The following SYN2 variants were observed in gnomAD, a reference collection of about 807,000 sequenced individuals.
The protein encoded by SYN2 is synapsin II.
A neutral mutation model predicts 50.9 loss-of-function variants in SYN2; 19 were observed. That is an observed-to-expected ratio of 0.37 (90% CI 0.26 to 0.55). SYN2 has a LOEUF of 0.55. Ranked by LOEUF, SYN2 falls within the 20% of genes least tolerant of loss-of-function variation. The probability of loss-of-function intolerance (pLI) is 0.81; values close to 1 mark genes in which losing one functional copy is unlikely to be tolerated. For missense variants in SYN2, 587 were observed against 576.4 expected (o/e 1.02, Z -0.19); for synonymous variants, 255 against 224.9 (o/e 1.13, Z -1.20).
intron 1 of SYN2, among the ~76,000 whole-genome samples, chr3:12,138,510 C>T (rs1696947724): frequency 6.6e-6 from 1 of 152,164 alleles, no homozygotes; most frequent in African/African-American, 2.4e-5. Flanking sequence ...CATGTAAGCA[C>T]CTAGATGTAA....
chr3:12,087,973 C>G (rs1276551473), intron 1 of SYN2, among the ~76,000 whole-genome samples: 2 of 150,316 alleles, frequency 1.3e-5, no homozygotes, highest in Non-Finnish European at 2.9e-5. Flanking sequence ...GGTAAAACTC[C>G]TAAAAGAAAG....
chr3:12,064,801 GA>G (rs1695176710), intron 1 of SYN2, among the ~76,000 whole-genome samples: 1 of 151,980 alleles, frequency 6.6e-6, no homozygotes, highest in Non-Finnish European at 1.5e-5. Flanking sequence ...GGTGCACTTG[GA>G]AAAACAGTTT....
At chr3:12,009,961 G>C (rs575313193) in intron 1 of SYN2, among the ~76,000 whole-genome samples, 1 of 152,114 alleles carries the variant, frequency 6.6e-6, no homozygotes, top group East Asian at 1.9e-4. Flanking sequence ...TGGTTGTTGC[G>C]GTGTGTGCCT....
intron 4 of SYN2, among the ~76,000 whole-genome samples, chr3:12,149,684 T>A (rs1022585600): frequency 6.6e-6 from 1 of 152,138 alleles, no homozygotes; most frequent in African/African-American, 2.4e-5. Context: ...GGTCCATGAA[T>A]CATCCTTTCA....
At chr3:12,061,420 C>G (rs982862460) in intron 1 of SYN2, among the ~76,000 whole-genome samples, 3 of 152,040 alleles carry the variant, frequency 2.0e-5, no homozygotes, top group South Asian at 2.1e-4. Context: ...TATTAAAGAA[C>G]ATCTTACAAA....
chr3:12,148,846 A>G (rs1158840721), intron 4 of SYN2, among the ~76,000 whole-genome samples: 1 of 152,204 alleles, frequency 6.6e-6, no homozygotes, highest in Non-Finnish European at 1.5e-5. Flanking sequence ...ATGAGTGGCT[A>G]TAATGGACAT....
intron 7 of SYN2, among the ~76,000 whole-genome samples, chr3:12,163,056 T>C (rs555994128): frequency 3.8e-4 from 57 of 151,940 alleles, no homozygotes; most frequent in Non-Finnish European, 4.7e-4. Flanking sequence ...CTGGCTAACA[T>C]GGTGAAACCC....
At chr3:12,069,288 AC>A (rs1695287720) in intron 1 of SYN2, among the ~76,000 whole-genome samples, 1 of 148,318 alleles carries the variant, frequency 6.7e-6, no homozygotes, top group Non-Finnish European at 1.5e-5. Flanking sequence ...TTGCCCTGTC[AC>A]CCAGGCTGGA....
intron 1 of SYN2, among the ~76,000 whole-genome samples, chr3:12,109,635 A>G (rs1013049393): frequency 6.6e-6 from 1 of 151,994 alleles, no homozygotes; most frequent in Non-Finnish European, 1.5e-5. Context: ...TCCACCTCCA[A>G]ATTTCCTTGA....
At chr3:12,115,771 T>G (rs1273555713) in intron 1 of SYN2, among the ~76,000 whole-genome samples, 2 of 152,116 alleles carry the variant, frequency 1.3e-5, no homozygotes. Flanking sequence ...AGAATATAAC[T>G]ATATTTTCCC....
intron 1 of SYN2, among the ~76,000 whole-genome samples, chr3:12,118,435 G>A (rs751767434): frequency 1.3e-5 from 2 of 152,168 alleles, no homozygotes; most frequent in East Asian, 1.9e-4. Flanking sequence ...ACAAACACAT[G>A]TGGAAAGAAG....
At chr3:12,184,152 G>C in intron 11 of SYN2, 1 of 985,850 alleles carries the variant, frequency 1.0e-6, no homozygotes, top group African/African-American at 1.7e-5. Context: ...TTCCAGGAAT[G>C]TGTTCTGTAT....
At chr3:12,027,174 C>T (rs937173258) in intron 1 of SYN2, among the ~76,000 whole-genome samples, 1 of 152,150 alleles carries the variant, frequency 6.6e-6, no homozygotes, top group African/African-American at 2.4e-5. Flanking sequence ...TTAGAGTCAG[C>T]TTCATGGCTC....
chr3:12,029,220 T>G (rs1490183608), intron 1 of SYN2, among the ~76,000 whole-genome samples: 2 of 131,996 alleles, frequency 1.5e-5, no homozygotes, highest in Admixed American at 1.5e-4. Context: ...GGCTCTGTTC[T>G]GTTCCATTCA....
chr3:12,156,948 A>AC, intron 5 of SYN2: 1 of 1,599,214 alleles, frequency 6.3e-7, no homozygotes. Context: ...ACAGGCAATT[A>AC]CAAAAAAAGG....
At chr3:12,068,913 C>T (rs183068692) in intron 1 of SYN2, among the ~76,000 whole-genome samples, 14 of 152,336 alleles carry the variant, frequency 9.2e-5, no homozygotes, top group African/African-American at 2.4e-4. Flanking sequence ...TTGGTAGTCA[C>T]ACCCCTATTT....
At chr3:12,019,026 T>C (rs977127928) in intron 1 of SYN2, among the ~76,000 whole-genome samples, 1 of 150,524 alleles carries the variant, frequency 6.6e-6, no homozygotes, top group Non-Finnish European at 1.5e-5. Flanking sequence ...TTTTGGTGCC[T>C]TCTCTCTCCA....
chr3:12,113,586 G>C (rs1190945990), intron 1 of SYN2, among the ~76,000 whole-genome samples: 1 of 151,994 alleles, frequency 6.6e-6, no homozygotes. Context: ...CGCCCCAAAA[G>C]GAAACCCTGT....
intron 1 of SYN2, among the ~76,000 whole-genome samples, chr3:12,138,141 G>A (rs993673252): frequency 3.3e-5 from 5 of 152,172 alleles, no homozygotes; most frequent in Non-Finnish European, 5.9e-5. Flanking sequence ...GAATCAAAAT[G>A]TCCAAGAGCC....
Sources: gnomAD v4.1 joint callset for allele counts (sites outside exome capture counted in the v4.1 genomes callset) on GRCh38, gnomAD v4.1.1 for gene constraint, MANE v1.5 for transcripts, NCBI Gene and HGNC (gene_info 2026-07-23, HGNC 2026-07-21) for gene names.